The following FAM135B variants were observed in gnomAD, a reference collection of about 807,000 sequenced individuals.
FAM135B encodes family with sequence similarity 135 member B.
FAM135B carries 43 observed loss-of-function variants against 127.7 expected under a neutral mutation model. That is an observed-to-expected ratio of 0.34 (90% CI 0.26 to 0.43). The LOEUF (loss-of-function observed/expected upper bound fraction) is 0.43, where lower values mean the gene tolerates loss of function less well. Among genes scored for constraint, FAM135B ranks in the 20% least tolerant of loss-of-function variants. The pLI is 1.00. For missense variants in FAM135B, 1,558 were observed against 1,725.6 expected (o/e 0.90, Z 1.72); for synonymous variants, 670 against 665.1 (o/e 1.01, Z -0.11).
chr8:138,177,951 A>G (rs1814633792), intron 10 of FAM135B, among the ~76,000 whole-genome samples: 1 of 152,246 alleles, frequency 6.6e-6, no homozygotes. Flanking sequence ...CTTACATTAA[A>G]AAGCACTTTT....
At chr8:138,434,104 C>T (rs2131518392) in intron 1 of FAM135B, among the ~76,000 whole-genome samples, 1 of 152,308 alleles carries the variant, frequency 6.6e-6, no homozygotes, top group African/African-American at 2.4e-5. Context: ...GCTTTAGTCA[C>T]AAGGACAAAA....
chr8:138,218,281 A>G (rs905182262), intron 7 of FAM135B, among the ~76,000 whole-genome samples: 2 of 152,256 alleles, frequency 1.3e-5, no homozygotes, highest in Non-Finnish European at 2.9e-5. Context: ...AAATAAAAGC[A>G]GGAGAAGGAA....
chr8:138,320,639 C>T (rs1251115786), intron 2 of FAM135B, among the ~76,000 whole-genome samples: 2 of 152,174 alleles, frequency 1.3e-5, no homozygotes, highest in South Asian at 4.1e-4. Context: ...AACTAATGAA[C>T]ATCTGTTCTC....
At chr8:138,313,621 G>T (rs188246187) in intron 2 of FAM135B, among the ~76,000 whole-genome samples, 213 of 149,742 alleles carry the variant, frequency 1.4e-3, no homozygotes, top group African/African-American at 5.1e-3. Flanking sequence ...CTCCCACTTC[G>T]GCTCCCCAAA....
At chr8:138,257,871 C>CA (rs1206268166) in intron 4 of FAM135B, among the ~76,000 whole-genome samples, 1 of 102,098 alleles carries the variant, frequency 9.8e-6, no homozygotes, top group Non-Finnish European at 1.9e-5. Context: ...TCAGCTTCTA[C>CA]AAAAAATAAA....
intron 5 of FAM135B, among the ~76,000 whole-genome samples, chr8:138,252,297 A>T (rs908994384): frequency 6.6e-6 from 1 of 152,226 alleles, no homozygotes; most frequent in Non-Finnish European, 1.5e-5. Context: ...TAGAAAAGGA[A>T]GTAAAGCCAA....
chr8:138,217,907 AC>A (rs1818697555), intron 7 of FAM135B, among the ~76,000 whole-genome samples: 1 of 152,192 alleles, frequency 6.6e-6, no homozygotes, highest in Non-Finnish European at 1.5e-5. Flanking sequence ...TGGGATGAAG[AC>A]AAGATACTGG....
chr8:138,279,669 C>T (rs1824111914), intron 3 of FAM135B, among the ~76,000 whole-genome samples: 1 of 152,146 alleles, frequency 6.6e-6, no homozygotes, highest in Non-Finnish European at 1.5e-5. Context: ...TTATTAAAAA[C>T]ACATATCTTC....
At position 138,152,277 on chromosome 8, in the gene FAM135B, G is replaced by T. The variant is rs2130763195; in HGVS notation, c.2198C>A (p.Thr733Lys). The T allele has an allele frequency of 6.2e-7, 1 of 1,614,106 alleles. No individual in the cohort carries two copies. Among genetic ancestry groups the T allele is most frequent in the Non-Finnish European group, 8.5e-7 (1 of 1,180,040 alleles). The change falls in exon 13 of 20, where the codon ACA becomes AAA. Residue 733 changes from threonine to lysine, a missense_variant. Coordinates refer to ENST00000395297, the MANE Select transcript of FAM135B (RefSeq NM_015912.4). ...GCTTGGCAAACTTGTGTTACTTTCT[G>T]TGTGTCCACCCTCTAGGGAGTTCCG... ...LHRNSLEGGH[T>K]ESNTSLPSGI... is the part of the protein sequence containing the mutation.
At position 138,153,002 on chromosome 8, in the gene FAM135B, A is replaced by G. The variant is rs1818326042; in HGVS notation, c.1473T>C (p.His491=). 6.2e-7 allele frequency: 1 copy of G among 1,614,094 alleles called. No individual in the cohort carries two copies. The highest frequency in any genetic ancestry group is 8.5e-7 in the Non-Finnish European group (1 of 1,180,036). The change falls in exon 13 of 20, where the codon CAT becomes CAC. Residue 491 remains histidine (H), a synonymous_variant. Coordinates refer to ENST00000395297, the MANE Select transcript of FAM135B (RefSeq NM_015912.4). ...CCTGAGATTCAGAGCACATGTCCATATGATTTTGTGTGGCCACATTCTCAC... is the reference window on the plus strand; with the variant it reads ...CCTGAGATTCAGAGCACATGTCCATGTGATTTTGTGTGGCCACATTCTCAC... ...EPGENVATQN[H]MDMCSESQVY... is the part of the protein sequence containing the mutation.
intron 1 of FAM135B, among the ~76,000 whole-genome samples, chr8:138,448,639 T>A (rs1836325366): frequency 6.6e-6 from 1 of 152,070 alleles, no homozygotes; most frequent in South Asian, 2.1e-4. Flanking sequence ...CAAGTGAAGA[T>A]CTTGGGACTT....
chr8:138,442,271 T>TATATATATAC (rs1198367170), intron 1 of FAM135B, among the ~76,000 whole-genome samples: 1 of 137,560 alleles, frequency 7.3e-6, no homozygotes, highest in Non-Finnish European at 1.6e-5. Flanking sequence ...TATATATATA[T>TATATATATAC]ATATATGAAA....
chr8:138,324,664 G>A (rs1055013928), intron 2 of FAM135B, among the ~76,000 whole-genome samples: 3 of 152,076 alleles, frequency 2.0e-5, no homozygotes, highest in Non-Finnish European at 2.9e-5. Context: ...CCTGTATGGT[G>A]GAAACAAATA....
chr8:138,283,421 TA>T lies in FAM135B; in HGVS notation c.158-17580del, dbSNP rs35095288. 8.0e-3 allele frequency among the ~76,000 whole-genome samples: 1,187 copies of T among 148,632 alleles called. 19 individuals carry two copies. Among genetic ancestry groups the T allele is most frequent in the African/African-American group, 0.028 (1,125 of 40,566 alleles). On this transcript the variant is annotated intron_variant, in intron 3 of 19. Coordinates refer to ENST00000395297, the MANE Select transcript of FAM135B (RefSeq NM_015912.4). ...GAAAAAGACAAAACTATGGATACAG[TA>T]AAAAAAAAAAATAGTGGTTTTTCAG...
At position 138,269,507 on chromosome 8, in the gene FAM135B, C is replaced by T. The variant is rs1395780690; in HGVS notation, c.158-3665G>A. On this transcript the variant is annotated intron_variant, in intron 3 of 19. Transcript: ENST00000395297. ...AGGCCTGAAGCCAGCTGGCTGAGGT[C>T]TGGACTGTGTGAATTCCTTTAAACT... 2.0e-5 allele frequency among the ~76,000 whole-genome samples: 3 copies of T among 152,194 alleles called. No individual in the cohort carries two copies. The East Asian group carries it at 5.8e-4, about 29-fold the overall frequency.
At chr8:138,133,838 C>T (rs943353628) in intron 19 of FAM135B, among the ~76,000 whole-genome samples, 3 of 152,054 alleles carry the variant, frequency 2.0e-5, no homozygotes, top group South Asian at 4.2e-4. Context: ...ACAGCTGGAC[C>T]CCCCCATCAC....
intron 8 of FAM135B, among the ~76,000 whole-genome samples, chr8:138,197,270 C>T (rs913829032): frequency 7.2e-5 from 11 of 152,146 alleles, no homozygotes; most frequent in African/African-American, 2.7e-4. Context: ...AATAGGTACT[C>T]AATAGATGTC....
intron 1 of FAM135B, among the ~76,000 whole-genome samples, chr8:138,460,507 G>A (rs1339636012): frequency 6.6e-6 from 1 of 152,202 alleles, no homozygotes; most frequent in African/African-American, 2.4e-5. Flanking sequence ...AAACATGGCA[G>A]GGACTGTCTA....
intron 9 of FAM135B, among the ~76,000 whole-genome samples, chr8:138,185,674 T>C (rs181282988): frequency 2.1e-4 from 32 of 152,250 alleles, no homozygotes; most frequent in Admixed American, 9.2e-4. Flanking sequence ...ACGTGACAAT[T>C]TGGGATCTCC....
Sources: allele counts gnomAD v4.1 joint callset (sites outside exome capture counted in the v4.1 genomes callset), GRCh38; gene constraint gnomAD v4.1.1; transcripts MANE v1.5; gene names NCBI Gene and HGNC (gene_info 2026-07-23, HGNC 2026-07-21).